The following CNTNAP2 variants were observed in gnomAD, a reference collection of about 807,000 sequenced individuals.
CNTNAP2 encodes the protein contactin associated protein 2, also known as contactin-associated protein-like 2.
Under a neutral mutation model 155.2 loss-of-function variants are expected in CNTNAP2, and 98 were observed. That is an observed-to-expected ratio of 0.63 (90% CI 0.54 to 0.75). CNTNAP2 has a LOEUF of 0.75. Ranked by LOEUF, CNTNAP2 falls within the 30% of genes least tolerant of loss-of-function variation. The pLI, the probability that CNTNAP2 is intolerant of heterozygous loss-of-function variation, is 0.00. For missense variants in CNTNAP2, 1,727 were observed against 1,688.1 expected, an observed-to-expected ratio of 1.02 and a Z score of -0.40; for synonymous variants, 651 against 631.2, an observed-to-expected ratio of 1.03 and a Z score of -0.47.
intron 14 of CNTNAP2, among the ~76,000 whole-genome samples, chr7:147,943,935 A>G (rs774950401): frequency 7.3e-4 from 111 of 152,168 alleles, no homozygotes; most frequent in Non-Finnish European, 2.4e-4. Context: ...CAGCAGTTCA[A>G]TAAGTGGAAG....
At position 146,548,166 on chromosome 7, in the gene CNTNAP2, G is replaced by C. The variant is rs191905909; in HGVS notation, c.98-226105G>C. On this transcript the variant is annotated intron_variant, in intron 1 of 23. Coordinates refer to ENST00000361727, the MANE Select transcript of CNTNAP2 (RefSeq NM_014141.6). ...CAGTGTGTGTTATTTCCCTCTATGT[G>C]TCCACGTGTTTTCATCATTTCACTC... 1.6e-3 allele frequency among the ~76,000 whole-genome samples: 244 copies of C among 151,802 alleles called. 1 individual carries two copies. The highest frequency in any genetic ancestry group is 2.4e-3 in the Admixed American group (36 of 15,212).
At chr7:146,464,574 C>T (rs1018727319) in intron 1 of CNTNAP2, among the ~76,000 whole-genome samples, 1 of 151,912 alleles carries the variant, frequency 6.6e-6, no homozygotes, top group Non-Finnish European at 1.5e-5. Flanking sequence ...ATAGTTGCAC[C>T]TTCTTCCCTC....
chr7:148,311,051 C>T (rs1018178182), intron 21 of CNTNAP2, among the ~76,000 whole-genome samples: 1 of 151,926 alleles, frequency 6.6e-6, no homozygotes, highest in Non-Finnish European at 1.5e-5. Context: ...CATAAAGGAG[C>T]GGCCACAGGA....
intron 1 of CNTNAP2, among the ~76,000 whole-genome samples, chr7:146,689,443 A>AAAAATTGAC (rs1306051272): frequency 2.4e-4 from 36 of 152,242 alleles, no homozygotes; most frequent in African/African-American, 8.4e-4. Flanking sequence ...AAAGGAAAAA[A>AAAAATTGAC]AAAATTGAGG....
intron 1 of CNTNAP2, among the ~76,000 whole-genome samples, chr7:146,374,222 GTAAGT>G (rs1165880578): frequency 6.6e-6 from 1 of 152,054 alleles, no homozygotes; most frequent in Non-Finnish European, 1.5e-5. Flanking sequence ...TAATTCAAAA[GTAAGT>G]TAATTAAAAA....
rs184684086 is a variant in CNTNAP2 at position 147,665,530 on chromosome 7, G to C, written c.2098+26224G>C. 7.9e-5 allele frequency among the ~76,000 whole-genome samples: 12 copies of C among 152,280 alleles called. No individual in the cohort carries two copies. In the East Asian group the frequency reaches 1.5e-3, roughly 20 times the overall value. On this transcript the variant is annotated intron_variant, in intron 13 of 23. Coordinates refer to ENST00000361727, the MANE Select transcript of CNTNAP2 (RefSeq NM_014141.6). ...CAGAGGTTTGCTACATAGGTAACTT[G>C]TGCCATGGGTTTGTTGTACAGATTA...
chr7:147,225,976 A>AAAGG (rs1256073907), intron 8 of CNTNAP2, among the ~76,000 whole-genome samples: 3 of 150,894 alleles, frequency 2.0e-5, no homozygotes, highest in Non-Finnish European at 4.4e-5. Context: ...AGAAAGAGAG[A>AAAGG]AAGAAAGAGA....
At chr7:147,930,794 G>A (rs376493724) in intron 14 of CNTNAP2, among the ~76,000 whole-genome samples, 8 of 152,068 alleles carry the variant, frequency 5.3e-5, no homozygotes, top group Non-Finnish European at 8.8e-5. Flanking sequence ...CTCATGTTAC[G>A]TCACAAAACA....
chr7:147,546,519 TTTAC>T (rs1799736727), intron 11 of CNTNAP2, among the ~76,000 whole-genome samples: 1 of 152,168 alleles, frequency 6.6e-6, no homozygotes, highest in South Asian at 2.1e-4. Context: ...ACTAAGACCG[TTTAC>T]TTAGTTATTG....
At chr7:147,953,759 G>A (rs1432390326) in intron 14 of CNTNAP2, among the ~76,000 whole-genome samples, 4 of 152,082 alleles carry the variant, frequency 2.6e-5, no homozygotes, top group African/African-American at 9.7e-5. Context: ...AGCTTCTGGT[G>A]GTTGCCGGAA....
intron 1 of CNTNAP2, among the ~76,000 whole-genome samples, chr7:146,177,177 A>C (rs1798481766): frequency 6.6e-6 from 1 of 152,198 alleles, no homozygotes; most frequent in African/African-American, 2.4e-5. Context: ...TGTCTACAGC[A>C]TTTCCTGAAT....
intron 17 of CNTNAP2, among the ~76,000 whole-genome samples, chr7:148,171,940 C>T (rs999030073): frequency 1.2e-4 from 18 of 152,176 alleles, no homozygotes; most frequent in Admixed American, 3.9e-4. Context: ...TTTCTGTAAA[C>T]GCTTTTTCTA....
intron 2 of CNTNAP2, among the ~76,000 whole-genome samples, chr7:146,823,633 AAT>A (rs1491482987): frequency 6.6e-6 from 1 of 151,448 alleles, no homozygotes; most frequent in Non-Finnish European, 1.5e-5. Context: ...TTTACATGGA[AAT>A]ATACTCATTC....
At chr7:146,133,337 TG>T (rs1401139161) in intron 1 of CNTNAP2, among the ~76,000 whole-genome samples, 4 of 152,038 alleles carry the variant, frequency 2.6e-5, no homozygotes, top group African/African-American at 9.7e-5. Context: ...GAGTAGGTTG[TG>T]AAAATTTTCT....
intron 18 of CNTNAP2, among the ~76,000 whole-genome samples, chr7:148,176,430 G>A (rs1794938530): frequency 6.6e-6 from 1 of 151,618 alleles, no homozygotes; most frequent in Non-Finnish European, 1.5e-5. Context: ...TGTTGGCCAG[G>A]CTAGTCTCGA....
intron 1 of CNTNAP2, among the ~76,000 whole-genome samples, chr7:146,137,475 C>T (rs1324142477): frequency 1.3e-5 from 2 of 151,880 alleles, no homozygotes; most frequent in African/African-American, 2.4e-5. Flanking sequence ...GCATATTCTG[C>T]AACACAAAGA....
intron 1 of CNTNAP2, among the ~76,000 whole-genome samples, chr7:146,744,828 C>T (rs925591449): frequency 6.6e-6 from 1 of 152,110 alleles, no homozygotes; most frequent in Non-Finnish European, 1.5e-5. Context: ...AAAAAAAACA[C>T]AAAGCTTAAG....
chr7:147,315,946 C>A (rs892633958), intron 9 of CNTNAP2, among the ~76,000 whole-genome samples: 1 of 151,874 alleles, frequency 6.6e-6, no homozygotes, highest in Non-Finnish European at 1.5e-5. Flanking sequence ...TATGTATATA[C>A]ATATATGTGT....
intron 1 of CNTNAP2, among the ~76,000 whole-genome samples, chr7:146,445,668 A>T (rs1796392584): frequency 6.6e-6 from 1 of 152,172 alleles, no homozygotes; most frequent in Non-Finnish European, 1.5e-5. Context: ...CATTTTCCCA[A>T]TATCCTACTT....
Sources: gnomAD v4.1 joint callset for allele counts (sites outside exome capture counted in the v4.1 genomes callset) on GRCh38, gnomAD v4.1.1 for gene constraint, MANE v1.5 for transcripts, NCBI Gene and HGNC (gene_info 2026-07-23, HGNC 2026-07-21) for gene names.